USP19: variants seen among roughly 807,000 people sequenced by gnomAD.
The protein encoded by USP19 is ubiquitin carboxyl-terminal hydrolase 19.
Under a neutral mutation model 144.8 loss-of-function variants are expected in USP19, and 40 were observed. The ratio of observed to expected loss-of-function variants is 0.28; its 90% confidence interval spans 0.21 to 0.36. USP19 has a LOEUF of 0.36. Ranked by LOEUF, USP19 falls within the 10% of genes least tolerant of loss-of-function variation. The pLI is 1.00. For synonymous variants in USP19, 701 were observed against 709.3 expected (o/e 0.99, Z 0.19); for missense variants, 1,518 against 1,822.5 (o/e 0.83, Z 3.04).
rs1490425017 is a variant in USP19, at chr3:49,116,749, T to C, written c.1104A>G (p.Ala368=). ...TACCATCCACCAAGGTTGCAGCATCTGCTGCCACTGCCATCTCCTCCTTGG... is the reference window on the plus strand; with the variant it reads ...TACCATCCACCAAGGTTGCAGCATCCGCTGCCACTGCCATCTCCTCCTTGG... The part of the protein sequence containing the change: ...DCAKEEMAVA[A]DAATLVDEPE... The change falls in exon 7 of 27, where the codon GCA becomes GCG. Residue 368 remains alanine, a synonymous_variant. Coordinates refer to ENST00000417901, the MANE Select transcript of USP19 (RefSeq NM_001199161.2). The surrounding 1 kb of genome is among the most constrained non-coding windows in gnomAD (Gnocchi z 5.0). 1 of 1,611,838 alleles carries C rather than the reference T, an allele frequency of 6.2e-7. No homozygotes were observed.
At position 49,120,750 on chromosome 3, in the gene USP19, A is replaced by G; in HGVS notation, c.-137+6T>C. ...AAGCCAGCGAGTTGCAGCCTGCTCC[A>G]CTCACCGAGCGAGACCGCCGCAGCC... is the stretch of plus-strand genomic sequence containing the variant. On this transcript the variant is annotated splice_donor_region_variant and intron_variant, in intron 1 of 26. Transcript: ENST00000417901. 1 of 215,924 alleles carries G rather than the reference A, an allele frequency of 4.6e-6. No individual in the cohort carries two copies. 13.4% of individuals were successfully genotyped at this position (215,924 alleles called of 1,614,324 possible). A position where few individuals can be genotyped will look rare whatever the true frequency, so the allele number is the denominator to read the frequency against.
At chr3:49,119,954 G>A (rs183526363) in intron 1 of USP19, among the ~76,000 whole-genome samples, 74 of 152,330 alleles carry the variant, frequency 4.9e-4, no homozygotes, top group Non-Finnish European at 9.6e-4. Context: ...CTCTTCAGCA[G>A]CAACCCTGCT....
At position 49,115,825 on chromosome 3, in the gene USP19, CCTT is replaced by C. The variant is rs1184211930; in HGVS notation, c.1588_1590del (p.Lys530del). 6.2e-7 allele frequency: 1 copy of C among 1,613,916 alleles called. No homozygotes were observed. Among genetic ancestry groups the C allele is most frequent in the Admixed American group, 1.7e-5 (1 of 60,012 alleles). On this transcript the variant is annotated inframe_deletion, in exon 11 of 27. Transcript: ENST00000417901. This position sits in a 1 kb window ranked among gnomAD's most constrained non-coding sequence, Gnocchi z 6.6. ...TCCTCAGATCGTGCCTTGGATTTAT[CCTT>C]CTCCACAGCCCGGGCCTCCTCCTGG...
chr3:49,119,379 TG>T, intron 1 of USP19, 98 bp from the exon 2 acceptor site: 1 of 494,256 alleles, frequency 2.0e-6, no homozygotes, highest in Middle Eastern at 5.3e-4. Flanking sequence ...GCTACAGAGC[TG>T]TATCTTCTCA....
In USP19 at chr3:49,111,025, C is replaced by T. The variant is rs372804375; in HGVS notation, c.3470G>A (p.Arg1157Gln). 8.7e-6 allele frequency: 14 copies of T among 1,613,972 alleles called. No individual in the cohort carries two copies. The highest frequency in any genetic ancestry group is 1.1e-5 in the South Asian group (1 of 91,086). The change falls in exon 23 of 27, where the codon CGG becomes CAG. Residue 1157 changes from arginine (R) to glutamine (Q), a missense_variant. Arg to Gln is a conservative substitution (Grantham distance 43). Around this residue, in one of 5 missense-constraint regions of USP19, gnomAD observed 413 missense variants for 515.8 expected, o/e 0.80. Transcript: ENST00000417901. The surrounding 1 kb of genome is among the most constrained non-coding windows in gnomAD (Gnocchi z 5.9). ...CTGGTCCAGGGTGAAGTGGCCGGCCCGGGCAGCCTCACCGGCAGAGCCTGG... is the reference window on the plus strand; with the variant it reads ...CTGGTCCAGGGTGAAGTGGCCGGCCTGGGCAGCCTCACCGGCAGAGCCTGG... Reference protein sequence around the residue: ...EDPGSAGEAARAGHFTLDQCL... With the variant: ...EDPGSAGEAAQAGHFTLDQCL...
intron 26 of USP19, chr3:49,109,232 C>T: frequency 6.9e-7 from 1 of 1,450,572 alleles, no homozygotes; most frequent in South Asian, 1.5e-5. Flanking sequence ...GTGGGGAGGA[C>T]CCAGTGTCCC....
Position 49,114,851 on chromosome 3 carries a change from T to C in USP19, c.2204A>G (p.Gln735Arg), listed in dbSNP as rs757494985. The C allele has an allele frequency of 6.2e-7, 1 of 1,614,166 alleles. No homozygotes were observed. The highest frequency in any genetic ancestry group is 8.5e-7 in the Non-Finnish European group (1 of 1,180,028). ...AGAGTCATTCCTCATCTTGTGCCGC[T>C]GCCATGCTTCCTCAGCTACCACCTG... Reference protein sequence around the residue: ...PDEVVAEEAWQRHKMRNDSFI... With the variant: ...PDEVVAEEAWRRHKMRNDSFI... The change falls in exon 15 of 27, where the codon CAG becomes CGG. Residue 735 changes from glutamine (Q) to arginine (R), a missense_variant. This residue lies in a region of USP19 where 158 missense variants were observed against 277.3 expected (regional missense o/e 0.57). Coordinates refer to ENST00000417901, the MANE Select transcript of USP19 (RefSeq NM_001199161.2). This position sits in a 1 kb window ranked among gnomAD's most constrained non-coding sequence, Gnocchi z 4.5.
rs1185735830 is a variant in USP19 at position 49,112,922 on chromosome 3, CAT to C, written c.2506-295_2506-294del. Among the ~76,000 whole-genome samples the C allele has an allele frequency of 6.6e-6, 1 of 152,174 alleles. No individual in the cohort carries two copies. The highest frequency in any genetic ancestry group is 1.5e-5 in the Non-Finnish European group (1 of 68,018). ...CTAGCATAGCCTTATAAGACTGTAA[CAT>C]ATTATCATGGAGGGTCCACATTCAA... On this transcript the variant is annotated intron_variant, in intron 17 of 26. Transcript: ENST00000417901. The surrounding 1 kb of genome is among the most constrained non-coding windows in gnomAD (Gnocchi z 4.9).
rs944913220 is a variant in USP19 at position 49,108,708 on chromosome 3, A to C, written c.4039-180T>G. ...ATAGTCTGGTTTTATTAACACTTTT[A>C]AGTACAGGAAGTAGCTTGGGCAGGG... is the stretch of plus-strand genomic sequence containing the variant. On this transcript the variant is annotated intron_variant, in intron 26 of 26. Coordinates refer to ENST00000417901, the MANE Select transcript of USP19 (RefSeq NM_001199161.2). This position sits in a 1 kb window ranked among gnomAD's most constrained non-coding sequence, Gnocchi z 4.8. 3 of 1,332,530 alleles carry C rather than the reference A, an allele frequency of 2.3e-6. No homozygotes were observed. The highest frequency in any genetic ancestry group is 1.5e-5 in the African/African-American group (1 of 66,780). 82.5% of individuals were successfully genotyped at this position (1,332,530 alleles called of 1,614,324 possible).
chr3:49,112,672 T>C lies in USP19; in HGVS notation c.2506-43A>G. The C allele has an allele frequency of 1.3e-6, 2 of 1,586,224 alleles. No individual in the cohort carries two copies. Among genetic ancestry groups the C allele is most frequent in the Non-Finnish European group, 1.7e-6 (2 of 1,162,526 alleles). On this transcript the variant is annotated intron_variant, in intron 17 of 26. Coordinates refer to ENST00000417901, the MANE Select transcript of USP19 (RefSeq NM_001199161.2). The surrounding 1 kb of genome is among the most constrained non-coding windows in gnomAD (Gnocchi z 4.9). Reference sequence around the variant, plus strand: ...ACAGATCCCACGTGAGGATAAGCCCTTTCCCTAGCCCTGCCCCAGAGTTTA... The same window carrying C: ...ACAGATCCCACGTGAGGATAAGCCCCTTCCCTAGCCCTGCCCCAGAGTTTA...
chr3:49,117,478 G>C lies in USP19; in HGVS notation c.565C>G (p.Leu189Val). ...GTGAGCATAGGCACCTTTTTGGGCA[G>C]TGTCAGGTGCAGGAGACTGCCCTTG... ...TRKGSLLHLT[L>V]PKKVPMLTWP... The change falls in exon 5 of 27, where the codon CTG (leucine) becomes GTG (valine). Residue 189 changes from leucine (L) to valine (V), a missense_variant. By Grantham distance (32) the Leu-to-Val change is conservative. Coordinates refer to ENST00000417901, the MANE Select transcript of USP19 (RefSeq NM_001199161.2). The surrounding 1 kb of genome is among the most constrained non-coding windows in gnomAD (Gnocchi z 4.4). 1 of 1,614,160 alleles carries C rather than the reference G, an allele frequency of 6.2e-7. No homozygotes were observed. Among genetic ancestry groups the C allele is most frequent in the African/African-American group, 1.3e-5 (1 of 75,078 alleles).
rs1191736488 is a variant in USP19 at position 49,114,747 on chromosome 3, G to A, written c.2292+16C>T. On this transcript the variant is annotated intron_variant, in intron 15 of 26. Transcript: ENST00000417901. This position sits in a 1 kb window ranked among gnomAD's most constrained non-coding sequence, Gnocchi z 4.5. The stretch of plus-strand genomic sequence containing the variant: ...AGCTGAACTAGGGGGTCTCTTTCCA[G>A]GGGAGCCCATCACACCTTGGCACAC... 6.2e-7 allele frequency: 1 copy of A among 1,613,256 alleles called. No homozygotes were observed. The highest frequency in any genetic ancestry group is 8.5e-7 in the Non-Finnish European group (1 of 1,179,304).
In USP19 at chr3:49,117,993, T is replaced by C; in HGVS notation, c.252A>G (p.Ser84=). 1.9e-6 allele frequency: 3 copies of C among 1,608,312 alleles called. No individual in the cohort carries two copies. Among genetic ancestry groups the C allele is most frequent in the African/African-American group, 2.7e-5 (2 of 74,322 alleles). ...GAGGAGTGGATGCTGACCCTGACGATGAAGGAAAGAACAGCCGGGTACGGT... is the reference window on the plus strand; with the variant it reads ...GAGGAGTGGATGCTGACCCTGACGACGAAGGAAAGAACAGCCGGGTACGGT... ...SRHRTRLFFP[S]SSGSASTPQE... The change falls in exon 3 of 27, where the codon TCA becomes TCG. Residue 84 remains serine, a synonymous_variant. Coordinates refer to ENST00000417901, the MANE Select transcript of USP19 (RefSeq NM_001199161.2). This position sits in a 1 kb window ranked among gnomAD's most constrained non-coding sequence, Gnocchi z 4.4.
intron 1 of USP19, among the ~76,000 whole-genome samples, chr3:49,119,614 C>T (rs967099083): frequency 6.6e-6 from 1 of 152,236 alleles, no homozygotes; most frequent in African/African-American, 2.4e-5. Context: ...AGGGCTGGCA[C>T]TCCGAGCAGG....
rs202230937 is a variant in USP19 at position 49,111,605 on chromosome 3, G to T, written c.3112C>A (p.Arg1038=). 1.1e-5 allele frequency: 17 copies of T among 1,612,010 alleles called. No homozygotes were observed. The highest frequency in any genetic ancestry group is 1.4e-5 in the Non-Finnish European group (17 of 1,179,492). ...CCACTGGTGCTGGGCACAGGACCCC[G>T]GTCAGGGGCTGCCCACACCCGGGGA... The part of the protein sequence containing the change: ...GLPRVWAAPD[R]GPVPSTSGIS... The change falls in exon 21 of 27, where the codon CGG becomes AGG. Residue 1038 remains arginine, a synonymous_variant. Transcript: ENST00000417901. The surrounding 1 kb of genome is among the most constrained non-coding windows in gnomAD (Gnocchi z 5.9).
rs901761283 is a variant in USP19 at position 49,117,186 on chromosome 3, C to G, written c.782G>C (p.Gly261Ala). The change falls in exon 6 of 27, where the codon GGG becomes GCG. Residue 261 changes from glycine to alanine, a missense_variant. Gly to Ala is a moderately conservative substitution (Grantham distance 60, BLOSUM62 0). Transcript: ENST00000417901. The surrounding 1 kb of genome is among the most constrained non-coding windows in gnomAD (Gnocchi z 4.4). Reference sequence around the variant, plus strand: ...CTTGGCGCTGGGCCCTGCCTGGGCCCCGGGGCCAGCCCCTGCGCCTACCTC... The same window carrying G: ...CTTGGCGCTGGGCCCTGCCTGGGCCGCGGGGCCAGCCCCTGCGCCTACCTC... ...RGEVGAGAGPGAQAGPSAKRA... is the reference protein window; with the variant it reads ...RGEVGAGAGPAAQAGPSAKRA... The G allele has an allele frequency of 3.9e-6, 6 of 1,547,868 alleles. No homozygotes were observed. The highest frequency in any genetic ancestry group is 5.2e-6 in the Non-Finnish European group (6 of 1,146,828).
Position 49,114,790 on chromosome 3 carries a change from C to T in USP19, c.2265G>A (p.Ser755=), listed in dbSNP as rs1280087142. Reference sequence around the variant, plus strand: ...TGGCACACACAGGGCACACCAGCTTCGACTTGTACTGCCCCTGAAATAGGT... The same window carrying T: ...TGGCACACACAGGGCACACCAGCTTTGACTTGTACTGCCCCTGAAATAGGT... ...IVDLFQGQYK[S]KLVCPVCAKV... is the part of the protein sequence containing the mutation. Residue 755 remains serine (S), a synonymous_variant, in exon 15 of 27, where the codon TCG becomes TCA. Coordinates refer to ENST00000417901, the MANE Select transcript of USP19 (RefSeq NM_001199161.2). This position sits in a 1 kb window ranked among gnomAD's most constrained non-coding sequence, Gnocchi z 4.5. 9.9e-6 allele frequency: 16 copies of T among 1,614,052 alleles called. No homozygotes were observed. Among genetic ancestry groups the T allele is most frequent in the Non-Finnish European group, 1.4e-5 (16 of 1,180,046 alleles).
Position 49,108,436 on chromosome 3 carries a change from G to C in USP19, c.4131C>G (p.Tyr1377Ter), listed in dbSNP as rs2042648706. 5.8e-6 allele frequency: 8 copies of C among 1,388,332 alleles called. No individual in the cohort carries two copies. The highest frequency in any genetic ancestry group is 6.6e-6 in the Non-Finnish European group (7 of 1,057,900). 86.0% of individuals were successfully genotyped at this position (1,388,332 alleles called of 1,614,324 possible). A position where few individuals can be genotyped will look rare whatever the true frequency, so the allele number is the denominator to read the frequency against. ...APPVDRPAPT[Y>*]SNMEEVD ...GCTAATCCACCTCCTCCATGTTGCTGTAGGTGGGGGCTGGCCGATCCACAG... is the reference window on the plus strand; with the variant it reads ...GCTAATCCACCTCCTCCATGTTGCTCTAGGTGGGGGCTGGCCGATCCACAG... The change falls in exon 27 of 27, where the codon TAC (tyrosine) becomes TAG (stop). Residue 1377 changes from tyrosine (Y) to a stop codon, truncating the protein, a stop_gained. Coordinates refer to ENST00000417901, the MANE Select transcript of USP19 (RefSeq NM_001199161.2). LOFTEE classifies it high-confidence loss of function. This position sits in a 1 kb window ranked among gnomAD's most constrained non-coding sequence, Gnocchi z 4.8.
At position 49,116,228 on chromosome 3, in the gene USP19, A is replaced by G; in HGVS notation, c.1355+52T>C. ...GCATCAGGATAGATGAGCCAGGGAG[A>G]TGGAGCCCACGGGGTAGGACAGGCA... On this transcript the variant is annotated intron_variant, in intron 9 of 26. Coordinates refer to ENST00000417901, the MANE Select transcript of USP19 (RefSeq NM_001199161.2). This position sits in a 1 kb window ranked among gnomAD's most constrained non-coding sequence, Gnocchi z 5.0. The G allele has an allele frequency of 6.2e-7, 1 of 1,613,536 alleles. No homozygotes were observed. Among genetic ancestry groups the G allele is most frequent in the Non-Finnish European group, 8.5e-7 (1 of 1,179,818 alleles).
Sources: allele counts gnomAD v4.1 joint callset (sites outside exome capture counted in the v4.1 genomes callset), GRCh38; gene constraint gnomAD v4.1.1; regional missense constraint gnomAD v4.1.1; non-coding constraint Gnocchi (gnomAD v3.1); transcripts MANE v1.5; gene names NCBI Gene and HGNC (gene_info 2026-07-23, HGNC 2026-07-21).